Variants in CERS6 observed in about 807,000 individuals in gnomAD.
CERS6 encodes LAG1 homolog, ceramide synthase 6.
Under a neutral mutation model 56.8 loss-of-function variants are expected in CERS6, and 26 were observed. The ratio of observed to expected loss-of-function variants is 0.46; its 90% confidence interval spans 0.34 to 0.63. The LOEUF (loss-of-function observed/expected upper bound fraction) is 0.63. Ranked by LOEUF, CERS6 falls within the 30% of genes least tolerant of loss-of-function variation. The probability of loss-of-function intolerance (pLI) is 0.01; values close to 1 mark genes in which losing one functional copy is unlikely to be tolerated. For missense variants in CERS6, 415 were observed against 467.5 expected (o/e 0.89, Z 1.04); for synonymous variants, 164 against 173.3 (o/e 0.95, Z 0.42).
intron 1 of CERS6, among the ~76,000 whole-genome samples, chr2:168,464,698 T>TAAA (rs543390356): frequency 0.019 from 2,548 of 134,376 alleles, 78 homozygotes; most frequent in African/African-American, 0.064. Flanking sequence ...GAGCCTAAAT[T>TAAA]AAAAAAAAAA....
chr2:168,658,179 C>T (rs770427270), intron 4 of CERS6, among the ~76,000 whole-genome samples: 5 of 152,086 alleles, frequency 3.3e-5, no homozygotes, highest in South Asian at 2.1e-4. Context: ...AGAGCTTTAT[C>T]GTTAAGGATT....
At chr2:168,563,123 G>A (rs1225213342) in intron 3 of CERS6, among the ~76,000 whole-genome samples, 1 of 152,118 alleles carries the variant, frequency 6.6e-6, no homozygotes, top group Non-Finnish European at 1.5e-5. Context: ...GTCACCTGGG[G>A]ATCTTGTTAA....
chr2:168,464,064 A>G (rs1195671951), intron 1 of CERS6, among the ~76,000 whole-genome samples: 1 of 151,978 alleles, frequency 6.6e-6, no homozygotes, highest in Non-Finnish European at 1.5e-5. Flanking sequence ...GAGGAGATGT[A>G]GTTTTTATCT....
intron 7 of CERS6, among the ~76,000 whole-genome samples, chr2:168,717,443 G>A (rs954873472): frequency 2.6e-5 from 4 of 152,060 alleles, no homozygotes; most frequent in Non-Finnish European, 5.9e-5. Context: ...TTGTGGCCCC[G>A]GTATTTGAGA....
intron 4 of CERS6, among the ~76,000 whole-genome samples, chr2:168,660,035 G>T (rs2105327410): frequency 6.6e-6 from 1 of 152,292 alleles, no homozygotes. Flanking sequence ...GCTTTCTGTT[G>T]CCACTATAAC....
chr2:168,540,294 A>G (rs1695343953), intron 1 of CERS6, among the ~76,000 whole-genome samples: 1 of 151,986 alleles, frequency 6.6e-6, no homozygotes, highest in Admixed American at 6.6e-5. Context: ...TTCTATGTTT[A>G]TTTATTTGTG....
intron 8 of CERS6, among the ~76,000 whole-genome samples, chr2:168,729,009 CA>C (rs757181111): frequency 2.8e-3 from 165 of 59,946 alleles, no homozygotes; most frequent in African/African-American, 5.2e-3. Context: ...GACTCTGTCT[CA>C]AAAAAAAAAA....
intron 1 of CERS6, among the ~76,000 whole-genome samples, chr2:168,484,116 A>C (rs1396051718): frequency 1.3e-5 from 2 of 151,422 alleles, no homozygotes; most frequent in Non-Finnish European, 2.9e-5. Context: ...ATACAACAAA[A>C]ATGCTGTTGT....
Position 168,547,618 on chromosome 2 carries a change from A to T in CERS6, c.193A>T (p.Ile65Leu). 4 of 1,613,828 alleles carry T rather than the reference A, an allele frequency of 2.5e-6. No homozygotes were observed. The highest frequency in any genetic ancestry group is 3.4e-6 in the Non-Finnish European group (4 of 1,179,696). The change falls in exon 2 of 10, where the codon ATA becomes TTA. Residue 65 changes from isoleucine to leucine, a missense_variant. Transcript: ENST00000305747. ...FERFVAKPCAIALNIQANGPQ... is the reference protein window; with the variant it reads ...FERFVAKPCALALNIQANGPQ... ...TAGATTTGTAGCCAAACCGTGCGCC[A>T]TAGCCCTCAACATTCAGGCCAATGG...
intron 8 of CERS6, among the ~76,000 whole-genome samples, chr2:168,756,178 G>A (rs1004175618): frequency 6.6e-6 from 1 of 152,132 alleles, no homozygotes; most frequent in African/African-American, 2.4e-5. Context: ...ATGGGAGGCT[G>A]GTTTTATACT....
At chr2:168,723,425 C>CA (rs1308773101) in intron 8 of CERS6, among the ~76,000 whole-genome samples, 1 of 152,064 alleles carries the variant, frequency 6.6e-6, no homozygotes, top group South Asian at 2.1e-4. Context: ...ATTCAAAAAA[C>CA]AAAAAAATCC....
At chr2:168,474,478 T>A (rs1694033183) in intron 1 of CERS6, among the ~76,000 whole-genome samples, 1 of 152,210 alleles carries the variant, frequency 6.6e-6, no homozygotes, top group Non-Finnish European at 1.5e-5. Context: ...AATGCATTCC[T>A]CGTGTCCTCC....
intron 3 of CERS6, among the ~76,000 whole-genome samples, chr2:168,591,203 T>G (rs1162815667): frequency 6.6e-6 from 1 of 152,236 alleles, no homozygotes; most frequent in Non-Finnish European, 1.5e-5. Flanking sequence ...AATTACTGGA[T>G]TAAAATAACT....
intron 8 of CERS6, among the ~76,000 whole-genome samples, chr2:168,763,310 T>C (rs1265538914): frequency 6.6e-6 from 1 of 150,906 alleles, no homozygotes; most frequent in East Asian, 1.9e-4. Flanking sequence ...GGTACGATCT[T>C]GGCTCACTGC....
At chr2:168,681,669 T>C (rs1686219621) in intron 4 of CERS6, among the ~76,000 whole-genome samples, 1 of 152,164 alleles carries the variant, frequency 6.6e-6, no homozygotes, top group Non-Finnish European at 1.5e-5. Flanking sequence ...TTCCAGCTAA[T>C]TGAAAATACA....
At chr2:168,665,986 G>GTA (rs1685750649) in intron 4 of CERS6, among the ~76,000 whole-genome samples, 1 of 149,862 alleles carries the variant, frequency 6.7e-6, no homozygotes, top group African/African-American at 2.5e-5. Context: ...GTGTGTGTGT[G>GTA]TGTGTAGTTT....
intron 1 of CERS6, among the ~76,000 whole-genome samples, chr2:168,499,725 G>T (rs984861521): frequency 5.3e-5 from 8 of 152,122 alleles, no homozygotes; most frequent in African/African-American, 1.9e-4. Context: ...CTCAATTTTT[G>T]TGGTGCTGCA....
chr2:168,660,341 C>T (rs753584910), intron 4 of CERS6, among the ~76,000 whole-genome samples: 15 of 152,176 alleles, frequency 9.9e-5, no homozygotes, highest in Non-Finnish European at 1.5e-4. Context: ...TTTACCATGC[C>T]ATGCCTAGCT....
intron 3 of CERS6, among the ~76,000 whole-genome samples, chr2:168,563,189 C>A (rs968492263): frequency 7.9e-5 from 12 of 152,180 alleles, no homozygotes; most frequent in Admixed American, 7.2e-4. Flanking sequence ...CAAGTTTCTA[C>A]ATGATGCTGG....
Sources: allele counts gnomAD v4.1 joint callset (sites outside exome capture counted in the v4.1 genomes callset), GRCh38; gene constraint gnomAD v4.1.1; transcripts MANE v1.5; gene names NCBI Gene and HGNC (gene_info 2026-07-23, HGNC 2026-07-21).